Variants in RCAN1 observed in about 807,000 individuals in gnomAD.
RCAN1 encodes regulator of calcineurin 1.
Under a neutral mutation model 22.9 loss-of-function variants are expected in RCAN1, and 11 were observed. The ratio of observed to expected loss-of-function variants is 0.48; its 90% confidence interval spans 0.30 to 0.79. The LOEUF (loss-of-function observed/expected upper bound fraction) is 0.79. RCAN1 is among the 30% of genes least tolerant of loss of function. The probability of loss-of-function intolerance (pLI) is 0.06; values close to 1 mark genes in which losing one functional copy is unlikely to be tolerated. For missense variants in RCAN1, 291 were observed against 337.8 expected, an observed-to-expected ratio of 0.86 and a Z score of 1.09; for synonymous variants, 136 against 142.3, an observed-to-expected ratio of 0.96 and a Z score of 0.32.
Position 34,518,005 on chromosome 21 carries a change from A to G in RCAN1, c.*79T>C. 1.9e-6 allele frequency: 3 copies of G among 1,550,248 alleles called. No homozygotes were observed. Among genetic ancestry groups the G allele is most frequent in the Non-Finnish European group, 2.6e-6 (3 of 1,137,556 alleles). On this transcript the variant is annotated 3_prime_UTR_variant, in exon 4 of 4. Coordinates refer to ENST00000313806, the MANE Select transcript of RCAN1 (RefSeq NM_004414.7). The surrounding 1 kb of genome is among the most constrained non-coding windows in gnomAD (Gnocchi z 4.2). ...CCGATCTCGGCTGCCACCTCCGAAGAAGTCGTGACCAGCCACCTCCACAGT... is the reference window on the plus strand; with the variant it reads ...CCGATCTCGGCTGCCACCTCCGAAGGAGTCGTGACCAGCCACCTCCACAGT...
intron 1 of RCAN1, among the ~76,000 whole-genome samples, chr21:34,548,145 C>G (rs955172439): frequency 6.6e-6 from 1 of 152,148 alleles, no homozygotes; most frequent in African/African-American, 2.4e-5. Context: ...GTTATAGCAG[C>G]CCGAGCAGAT....
At chr21:34,558,178 T>G (rs1490637082) in intron 1 of RCAN1, among the ~76,000 whole-genome samples, 1 of 152,060 alleles carries the variant, frequency 6.6e-6, no homozygotes, top group East Asian at 1.9e-4. Context: ...ATAAAAGAGA[T>G]TCTCCCTCTC....
rs1217748952 is a variant in RCAN1 at position 34,518,876 on chromosome 21, C to T, written c.587-620G>A. On this transcript the variant is annotated intron_variant, in intron 3 of 3. Transcript: ENST00000313806. The surrounding 1 kb of genome is among the most constrained non-coding windows in gnomAD (Gnocchi z 4.2). ...TCAGCCTGAGTTCTACCAGGTTGGC[C>T]AAGTTCAGGCCACTCTGGTCCAGCA... Among the ~76,000 whole-genome samples, 1 of 152,164 alleles carries T rather than the reference C, an allele frequency of 6.6e-6. No homozygotes were observed. The highest frequency in any genetic ancestry group is 1.5e-5 in the Non-Finnish European group (1 of 68,010).
At chr21:34,549,165 G>A (rs191862395) in intron 1 of RCAN1, among the ~76,000 whole-genome samples, 11 of 152,208 alleles carry the variant, frequency 7.2e-5, no homozygotes, top group African/African-American at 1.4e-4. Context: ...GGACTAAGGC[G>A]CCATGAGCAT....
intron 1 of RCAN1, among the ~76,000 whole-genome samples, chr21:34,553,230 C>T (rs1020954492): frequency 1.3e-5 from 2 of 152,216 alleles, no homozygotes; most frequent in African/African-American, 4.8e-5. Context: ...CCCTCACCAG[C>T]GGAGCTCACA....
At chr21:34,586,983 A>G (rs754284803) in intron 1 of RCAN1, among the ~76,000 whole-genome samples, 3 of 152,100 alleles carry the variant, frequency 2.0e-5, no homozygotes, top group Non-Finnish European at 4.4e-5. Context: ...TAGAAGAAAA[A>G]AAGTGGAAAA....
At chr21:34,549,860 C>T (rs1429964657) in intron 1 of RCAN1, among the ~76,000 whole-genome samples, 1 of 152,202 alleles carries the variant, frequency 6.6e-6, no homozygotes, top group Non-Finnish European at 1.5e-5. Flanking sequence ...ATGCCAGCTA[C>T]TAGAACCCAG....
At chr21:34,613,751 A>G in intron 1 of RCAN1, 1 of 1,482,992 alleles carries the variant, frequency 6.7e-7, no homozygotes, top group Non-Finnish European at 9.1e-7. Context: ...TTCAGAAAGT[A>G]AGTGAACATA....
At position 34,518,250 on chromosome 21, in the gene RCAN1, T is replaced by C. The variant is rs371810446; in HGVS notation, c.593A>G (p.Lys198Arg). 3 of 1,613,776 alleles carry C rather than the reference T, an allele frequency of 1.9e-6. No homozygotes were observed. Among genetic ancestry groups the C allele is most frequent in the Non-Finnish European group, 2.5e-6 (3 of 1,179,890 alleles). The change falls in exon 4 of 4, where the codon AAG (lysine) becomes AGG (arginine). Residue 198 changes from lysine to arginine, a missense_variant. Transcript: ENST00000313806. This position sits in a 1 kb window ranked among gnomAD's most constrained non-coding sequence, Gnocchi z 4.2. ...YAISKLGPGEKYELHAATDTT... is the reference protein window; with the variant it reads ...YAISKLGPGERYELHAATDTT... ...GTCAGTCGCTGCGTGCAATTCATAC[T>C]TTTCCCCTAAGGAGGGAAAATAATC...
intron 1 of RCAN1, among the ~76,000 whole-genome samples, chr21:34,601,742 T>C (rs555658123): frequency 1.1e-3 from 161 of 144,742 alleles, no homozygotes; most frequent in African/African-American, 4.0e-3. Flanking sequence ...GGCGTGAACC[T>C]GGGAGGCGGA....
At chr21:34,537,523 A>C (rs372794043) in intron 1 of RCAN1, among the ~76,000 whole-genome samples, 16 of 152,362 alleles carry the variant, frequency 1.1e-4, no homozygotes, top group Non-Finnish European at 2.2e-4. Context: ...GGCCGAGCAG[A>C]TGCCCCTTGT....
Position 34,614,065 on chromosome 21 carries a change from TTG to T in RCAN1, c.252+693_252+694del, listed in dbSNP as rs1220413504. Among the ~76,000 whole-genome samples, 3 of 152,208 alleles carry T rather than the reference TTG, an allele frequency of 2.0e-5. No individual in the cohort carries two copies. The highest frequency in any genetic ancestry group is 4.4e-5 in the Non-Finnish European group (3 of 68,036). On this transcript the variant is annotated intron_variant, in intron 1 of 3. Transcript: ENST00000313806. This position sits in a 1 kb window ranked among gnomAD's most constrained non-coding sequence, Gnocchi z 6.0. ...CCCCTCACCCTCCAAAGTGTCTAAA[TTG>T]TGTGGATTTTGCGGGGGTGGGGGGA... is the stretch of plus-strand genomic sequence containing the variant.
intron 1 of RCAN1, among the ~76,000 whole-genome samples, chr21:34,573,093 C>G (rs1017125006): frequency 2.0e-5 from 3 of 152,188 alleles, no homozygotes; most frequent in Non-Finnish European, 2.9e-5. Flanking sequence ...AAAAATTCTG[C>G]ATGCAAGATG....
chr21:34,574,602 C>A (rs1987346905), intron 1 of RCAN1, among the ~76,000 whole-genome samples: 1 of 152,158 alleles, frequency 6.6e-6, no homozygotes, highest in African/African-American at 2.4e-5. Context: ...GATACAAGAA[C>A]TTGAGGATCT....
At position 34,614,485 on chromosome 21, in the gene RCAN1, C is replaced by G. The variant is rs1037090516; in HGVS notation, c.252+275G>C. ...CCACCTTGGGGAGCGAATTCACCCCCCTAGTCGCACCAGCCTGGGCGCACA... is the reference window on the plus strand; with the variant it reads ...CCACCTTGGGGAGCGAATTCACCCCGCTAGTCGCACCAGCCTGGGCGCACA... On this transcript the variant is annotated intron_variant, in intron 1 of 3. Transcript: ENST00000313806. This position sits in a 1 kb window ranked among gnomAD's most constrained non-coding sequence, Gnocchi z 6.0. The G allele has an allele frequency of 3.9e-6, 4 of 1,033,410 alleles. No individual in the cohort carries two copies. The highest frequency in any genetic ancestry group is 4.6e-6 in the Non-Finnish European group (4 of 861,938). 64.0% of individuals were successfully genotyped at this position (1,033,410 alleles called of 1,614,324 possible).
chr21:34,583,990 G>A lies in RCAN1; in HGVS notation c.252+30770C>T, dbSNP rs145795182. ...TCATAAAGTCTAACTATGAGTTTCT[G>A]TTTACTCCCAATTAACTTGGAACAA... On this transcript the variant is annotated intron_variant, in intron 1 of 3. Transcript: ENST00000313806. Among the ~76,000 whole-genome samples, 886 of 152,228 alleles carry A rather than the reference G, an allele frequency of 5.8e-3. 6 individuals carry two copies. Among genetic ancestry groups the A allele is most frequent in the African/African-American group, 0.015 (612 of 41,528 alleles).
At chr21:34,597,211 A>G (rs1390716086) in intron 1 of RCAN1, among the ~76,000 whole-genome samples, 2 of 152,204 alleles carry the variant, frequency 1.3e-5, no homozygotes, top group Non-Finnish European at 2.9e-5. Flanking sequence ...AAAATTAGCA[A>G]AAGTAAACAC....
At chr21:34,574,647 C>G (rs8132211) in intron 1 of RCAN1, among the ~76,000 whole-genome samples, 108,569 of 152,138 alleles carry the variant, frequency 0.71, 39,153 homozygotes, top group East Asian at 0.89. Flanking sequence ...AAAGATAATA[C>G]AAACTCTAAG....
chr21:34,525,390 G>A, intron 1 of RCAN1: 5 of 1,447,878 alleles, frequency 3.5e-6, no homozygotes, highest in East Asian at 5.0e-5. Context: ...GAAGGAACGC[G>A]GAGCTGGCGG....
Sources: allele counts gnomAD v4.1 joint callset (sites outside exome capture counted in the v4.1 genomes callset), GRCh38; gene constraint gnomAD v4.1.1; non-coding constraint Gnocchi (gnomAD v3.1); transcripts MANE v1.5; gene names NCBI Gene and HGNC (gene_info 2026-07-23, HGNC 2026-07-21).